Variants in WWOX observed in about 807,000 individuals in gnomAD.
WWOX encodes WW domain-containing oxidoreductase.
Under a neutral mutation model 46.2 loss-of-function variants are expected in WWOX, and 69 were observed. The observed-to-expected ratio is 1.49, with a 90% CI of 1.23 to 1.82. WWOX has a LOEUF of 1.82. Among genes scored for constraint, WWOX ranks in the 40% most tolerant of loss-of-function variants. The probability of loss-of-function intolerance (pLI) is 0.00; values close to 1 mark genes in which losing one functional copy is unlikely to be tolerated. For missense variants in WWOX, 919 were observed against 542.6 expected, an observed-to-expected ratio of 1.69 and a Z score of -6.89; for synonymous variants, 359 against 202.6, an observed-to-expected ratio of 1.77 and a Z score of -6.56.
At chr16:78,279,847 T>A (rs560441859) in intron 5 of WWOX, among the ~76,000 whole-genome samples, 2 of 152,336 alleles carry the variant, frequency 1.3e-5, no homozygotes, top group Non-Finnish European at 2.9e-5. Flanking sequence ...GGATGCAGTA[T>A]GGATGTATTT....
chr16:78,138,267 T>TGGG (rs2033868805), intron 4 of WWOX, among the ~76,000 whole-genome samples: 7 of 151,040 alleles, frequency 4.6e-5, no homozygotes, highest in South Asian at 2.1e-4. Flanking sequence ...TACCTCTTTT[T>TGGG]AGTTTAATTA....
At position 78,432,587 on chromosome 16, in the gene WWOX, G is replaced by A. The variant is rs769246379; in HGVS notation, c.891G>A (p.Lys297=). ...YWAMLAYNRS[K]LCNILFSNEL... is the part of the protein sequence containing the mutation. Reference sequence around the variant, plus strand: ...CGATGCTGGCTTATAACAGGTCCAAGCTCTGCAACATCCTCTTCTCCAACG... The same window carrying A: ...CGATGCTGGCTTATAACAGGTCCAAACTCTGCAACATCCTCTTCTCCAACG... Residue 297 remains lysine, a synonymous_variant, in exon 8 of 9, where the codon AAG becomes AAA. Transcript: ENST00000566780. The A allele has an allele frequency of 1.2e-5, 19 of 1,614,068 alleles. No individual in the cohort carries two copies. Among genetic ancestry groups the A allele is most frequent in the Non-Finnish European group, 1.6e-5 (19 of 1,180,048 alleles).
chr16:79,180,134 A>C (rs1362485041), intron 8 of WWOX, among the ~76,000 whole-genome samples: 5 of 152,212 alleles, frequency 3.3e-5, no homozygotes, highest in Non-Finnish European at 5.9e-5. Context: ...GACTCTGGGG[A>C]ATCCAGAGTC....
chr16:78,437,829 A>T (rs548835483), intron 8 of WWOX, among the ~76,000 whole-genome samples: 1 of 152,274 alleles, frequency 6.6e-6, no homozygotes, highest in East Asian at 1.9e-4. Flanking sequence ...TTACATGTTT[A>T]TTTTCTTGAC....
intron 5 of WWOX, among the ~76,000 whole-genome samples, chr16:78,181,584 G>C (rs904851907): frequency 6.6e-6 from 1 of 152,208 alleles, no homozygotes; most frequent in Non-Finnish European, 1.5e-5. Context: ...TCTACGCTGG[G>C]AGAGGAGGAA....
chr16:78,849,853 A>G (rs900483155), intron 8 of WWOX, among the ~76,000 whole-genome samples: 1 of 152,102 alleles, frequency 6.6e-6, no homozygotes, highest in Admixed American at 6.5e-5. Context: ...TGGTCAGATC[A>G]CCTAAGGTTG....
intron 8 of WWOX, among the ~76,000 whole-genome samples, chr16:78,785,763 T>C (rs2050440010): frequency 6.6e-6 from 1 of 152,208 alleles, no homozygotes; most frequent in Admixed American, 6.5e-5. Flanking sequence ...ATAAGACATA[T>C]GTCAGAACTT....
intron 8 of WWOX, among the ~76,000 whole-genome samples, chr16:78,939,040 A>G (rs1320807675): frequency 2.0e-5 from 3 of 152,220 alleles, no homozygotes; most frequent in Admixed American, 6.5e-5. Context: ...CCAAGGTTTG[A>G]AAAAGAAATG....
At chr16:78,652,323 C>T (rs12924792) in intron 8 of WWOX, among the ~76,000 whole-genome samples, 8 of 148,536 alleles carry the variant, frequency 5.4e-5, no homozygotes, top group Non-Finnish European at 7.4e-5. Flanking sequence ...GCAGGAGAAT[C>T]ACTTGAACCC....
intron 8 of WWOX, among the ~76,000 whole-genome samples, chr16:79,133,010 G>A (rs1033674070): frequency 5.3e-5 from 8 of 152,168 alleles, no homozygotes; most frequent in Admixed American, 3.3e-4. Flanking sequence ...CAGGCACACA[G>A]CTCTGTGAGA....
intron 8 of WWOX, among the ~76,000 whole-genome samples, chr16:78,604,378 C>T (rs560210466): frequency 1.4e-4 from 22 of 152,146 alleles, no homozygotes; most frequent in Admixed American, 9.8e-4. Context: ...CATGGGCCCT[C>T]GTTTATTCAG....
At chr16:78,944,345 ACTC>A (rs1351916770) in intron 8 of WWOX, among the ~76,000 whole-genome samples, 2 of 152,010 alleles carry the variant, frequency 1.3e-5, no homozygotes, top group African/African-American at 4.8e-5. Context: ...CATGCTGTGA[ACTC>A]CTTGAAGATA....
intron 8 of WWOX, among the ~76,000 whole-genome samples, chr16:78,937,738 C>T (rs899504077): frequency 6.6e-6 from 1 of 151,964 alleles, no homozygotes; most frequent in Non-Finnish European, 1.5e-5. Context: ...GATTCTCCTG[C>T]CTCAGCCTCC....
rs562726727 is a variant in WWOX at position 78,755,117 on chromosome 16, A to G, written c.1056+322365A>G. On this transcript the variant is annotated intron_variant, in intron 8 of 8. Transcript: ENST00000566780. The stretch of plus-strand genomic sequence containing the variant: ...AATGCATGCGGGGCTTAAAACCTAG[A>G]TGACGGGTTGATAGGTGCAGCAAAC... 4.2e-3 allele frequency among the ~76,000 whole-genome samples: 631 copies of G among 151,936 alleles called. 3 individuals are homozygous for G. Among genetic ancestry groups the G allele is most frequent in the African/African-American group, 0.014 (589 of 41,374 alleles).
At chr16:79,068,780 C>A (rs771992715) in intron 8 of WWOX, among the ~76,000 whole-genome samples, 1 of 150,986 alleles carries the variant, frequency 6.6e-6, no homozygotes, top group Non-Finnish European at 1.5e-5. Context: ...CACTGCCCTG[C>A]AGCCTGAGCT....
At chr16:78,321,785 C>T (rs920484607) in intron 5 of WWOX, among the ~76,000 whole-genome samples, 1 of 152,274 alleles carries the variant, frequency 6.6e-6, no homozygotes, top group African/African-American at 2.4e-5. Flanking sequence ...CTGTCAGTGG[C>T]TGTCGTCTGT....
At chr16:78,174,257 T>C (rs1315190581) in intron 5 of WWOX, among the ~76,000 whole-genome samples, 1 of 152,180 alleles carries the variant, frequency 6.6e-6, no homozygotes, top group East Asian at 1.9e-4. Flanking sequence ...ACTTCTTATA[T>C]GGTGTCAGCA....
At chr16:78,543,855 C>T (rs1290106503) in intron 8 of WWOX, among the ~76,000 whole-genome samples, 2 of 152,142 alleles carry the variant, frequency 1.3e-5, no homozygotes, top group African/African-American at 4.8e-5. Context: ...CTGCTTATGA[C>T]TCTGAAACCC....
intron 8 of WWOX, among the ~76,000 whole-genome samples, chr16:79,184,993 T>C (rs976775189): frequency 6.6e-6 from 1 of 152,164 alleles, no homozygotes; most frequent in African/African-American, 2.4e-5. Flanking sequence ...AATGAAACAT[T>C]TATGCTGTTT....
Sources: allele counts gnomAD v4.1 joint callset (sites outside exome capture counted in the v4.1 genomes callset), GRCh38; gene constraint gnomAD v4.1.1; transcripts MANE v1.5; gene names NCBI Gene and HGNC (gene_info 2026-07-23, HGNC 2026-07-21).